The following CST2 variants were observed in gnomAD, a reference collection of about 807,000 sequenced individuals.
CST2 encodes cystatin-SA.
CST2 carries 26 observed loss-of-function variants against 13.4 expected under a neutral mutation model. The ratio of observed to expected loss-of-function variants is 1.95; its 90% CI spans 1.43 to 2.70. CST2 has a LOEUF of 2.70. Ranked by LOEUF, CST2 falls within the 30% of genes most tolerant of loss-of-function variation. The pLI, the probability that CST2 is intolerant of heterozygous loss-of-function variation, is 0.00. For missense variants in CST2, 243 were observed against 173.4 expected (o/e 1.40, Z -2.25); for synonymous variants, 105 against 71.1 (o/e 1.48, Z -2.40).
chr20:23,824,854 C>T (rs1259805672), intron 2 of CST2, among the ~76,000 whole-genome samples: 1 of 151,994 alleles, frequency 6.6e-6, no homozygotes, highest in Non-Finnish European at 1.5e-5. Context: ...ACACATCACC[C>T]TCCTCCCTCA....
intron 2 of CST2, 47 bp downstream of exon 2, chr20:23,825,163 C>A (rs760675860): frequency 1.9e-6 from 3 of 1,609,388 alleles, no homozygotes; most frequent in Non-Finnish European, 2.6e-6. Context: ...CACATACGCA[C>A]CCCTCTGCAG....
intron 2 of CST2, among the ~76,000 whole-genome samples, chr20:23,824,735 G>A (rs754477590): frequency 6.6e-6 from 1 of 152,028 alleles, no homozygotes; most frequent in Non-Finnish European, 1.5e-5. Context: ...TCCCTGCCCA[G>A]CACACAGCCC....
chr20:23,826,726 G>C lies in CST2; in HGVS notation c.-66C>G. 1.4e-6 allele frequency: 2 copies of C among 1,419,158 alleles called. No homozygotes were observed. The highest frequency in any genetic ancestry group is 1.4e-5 in the African/African-American group (1 of 70,512). 87.9% of individuals were successfully genotyped at this position (1,419,158 alleles called of 1,614,324 possible). A position where few individuals can be genotyped will look rare whatever the true frequency, so the allele number is the denominator to read the frequency against. On this transcript the variant is annotated 5_prime_UTR_variant, in exon 1 of 3. In the 5' UTR this introduces an upstream ATG that the reference lacks. Transcript: ENST00000304725. ...GAGGAGGTTGAGAGCCTGAGGCGGG[G>C]ATCCCAGACCAGCAGGCAGCTGTGC...
intron 2 of CST2, 70 bp from the exon 3 acceptor site, chr20:23,824,173 A>AT: frequency 2.0e-6 from 3 of 1,509,594 alleles, no homozygotes; most frequent in Non-Finnish European, 2.8e-6. Flanking sequence ...CAGGCATGAG[A>AT]TGTCACAGCC....
chr20:23,825,066 G>A (rs1201409247), intron 2 of CST2, 144 bp downstream of exon 2: 12 of 1,169,342 alleles, frequency 1.0e-5, no homozygotes, highest in African/African-American at 8.9e-5. Context: ...ACAAGTACAT[G>A]AACATGTATA....
intron 2 of CST2, among the ~76,000 whole-genome samples, chr20:23,824,669 A>G (rs972701071): frequency 2.0e-5 from 3 of 151,908 alleles, no homozygotes; most frequent in Non-Finnish European, 4.4e-5. Context: ...TAATCTGATC[A>G]TTGTGTCTGT....
rs45539436 is a variant in CST2, at chr20:23,825,316, C to T, written c.236G>A (p.Gly79Asp). Residue 79 changes from glycine to aspartate, a missense_variant, in exon 2 of 3, where the codon GGC (glycine) becomes GAC (aspartate). Transcript: ENST00000304725. ...TATGTCGAAGAAGTAATTCACCCCG[C>T]CCACGATCTACACACATGAGAAAAC... is the stretch of plus-strand genomic sequence containing the variant. ...RVLRAREQIV[G>D]GVNYFFDIEV... The T allele has an allele frequency of 0.056, 84,962 of 1,517,710 alleles. 2,303 individuals are homozygous for T. The highest frequency in any genetic ancestry group is 0.13 in the South Asian group (10,288 of 78,868). The allele number at this position is 1,517,710 out of a possible 1,614,324, so 94.0% of individuals were successfully genotyped here. A position where few individuals can be genotyped will look rare whatever the true frequency, so the allele number is the denominator to read the frequency against.
intron 2 of CST2, among the ~76,000 whole-genome samples, chr20:23,824,348 A>T (rs1975756560): frequency 6.6e-6 from 1 of 152,120 alleles, no homozygotes; most frequent in African/African-American, 2.4e-5. Context: ...CTGTCCCAGC[A>T]CAGCCCTGTG....
chr20:23,825,563 G>A (rs907431645), intron 1 of CST2, among the ~76,000 whole-genome samples: 4 of 152,220 alleles, frequency 2.6e-5, no homozygotes, highest in Non-Finnish European at 5.9e-5. Flanking sequence ...TCTGCCACCT[G>A]TGGCTCAGGG....
chr20:23,825,125 C>T, intron 2 of CST2, 85 bp downstream of exon 2: 1 of 1,566,206 alleles, frequency 6.4e-7, no homozygotes, highest in Non-Finnish European at 8.8e-7. Flanking sequence ...CACACACACC[C>T]TCCAAACATG....
chr20:23,824,815 C>T (rs1440535115), intron 2 of CST2, among the ~76,000 whole-genome samples: 1 of 152,104 alleles, frequency 6.6e-6, no homozygotes. Context: ...AGTAACCATT[C>T]CCAAGCTGAA....
At position 23,826,604 on chromosome 20, in the gene CST2, C is replaced by G. The variant is rs112094131; in HGVS notation, c.57G>C (p.Leu19=). Residue 19 remains leucine, a synonymous_variant, in exon 1 of 3, where the codon CTG becomes CTC. Coordinates refer to ENST00000304725, the MANE Select transcript of CST2 (RefSeq NM_001322.3). ...TGTCCTCCTCCTGGGGGCTCCAGGC[C>G]AGGGCCACAGCCTGGGTGGCCAGCA... ...LLLLATQAVA[L]AWSPQEEDRI... is the part of the protein sequence containing the mutation. 1.8e-3 allele frequency: 2,928 copies of G among 1,613,316 alleles called. 45 individuals are homozygous for G. In the African/African-American group the frequency reaches 0.035, roughly 19 times the overall value.
intron 2 of CST2, among the ~76,000 whole-genome samples, chr20:23,824,998 G>A (rs1326282575): frequency 6.6e-6 from 1 of 151,874 alleles, no homozygotes; most frequent in Non-Finnish European, 1.5e-5. Flanking sequence ...GCACACACTG[G>A]CACATGTGTG....
At position 23,823,957 on chromosome 20, in the gene CST2, G is replaced by T; in HGVS notation, c.*63C>A. 6.4e-7 allele frequency: 1 copy of T among 1,570,584 alleles called. No individual in the cohort carries two copies. The highest frequency in any genetic ancestry group is 8.8e-7 in the Non-Finnish European group (1 of 1,142,528). On this transcript the variant is annotated 3_prime_UTR_variant, in exon 3 of 3. Coordinates refer to ENST00000304725, the MANE Select transcript of CST2 (RefSeq NM_001322.3). ...CACAGGGTGGGGGCCACCAGTCCAG[G>T]GGTGGGAGCACTACAAGGGGTGGGA...
At position 23,826,631 on chromosome 20, in the gene CST2, G is replaced by A. The variant is rs753564573; in HGVS notation, c.30C>T (p.Leu10=). MAWPLCTLL[L]LLATQAVALA... is the part of the protein sequence containing the mutation. ...GGGCCACAGCCTGGGTGGCCAGCAG[G>A]AGCAGCAGGGTGCACAGGGGCCAGG... Residue 10 remains leucine (L), a synonymous_variant, in exon 1 of 3, where the codon CTC becomes CTT. Transcript: ENST00000304725. 1 of 1,610,554 alleles carries A rather than the reference G, an allele frequency of 6.2e-7. No individual in the cohort carries two copies. The highest frequency in any genetic ancestry group is 2.2e-5 in the East Asian group (1 of 44,776).
intron 2 of CST2, 84 bp from the exon 3 acceptor site, chr20:23,824,187 G>A: frequency 7.0e-7 from 1 of 1,423,948 alleles, no homozygotes; most frequent in Non-Finnish European, 9.8e-7. Flanking sequence ...CACAGCCTGA[G>A]TGAGGAGGAT....
chr20:23,825,315 G>T lies in CST2; in HGVS notation c.237C>A (p.Gly79=), dbSNP rs146039211. Residue 79 remains glycine (G), a synonymous_variant, in exon 2 of 3, where the codon GGC becomes GGA. Coordinates refer to ENST00000304725, the MANE Select transcript of CST2 (RefSeq NM_001322.3). ...RVLRAREQIV[G]GVNYFFDIEV... ...CTATGTCGAAGAAGTAATTCACCCC[G>T]CCCACGATCTACACACATGAGAAAA... The T allele has an allele frequency of 6.0e-6, 9 of 1,492,184 alleles. No individual in the cohort carries two copies. Among genetic ancestry groups the T allele is most frequent in the Admixed American group, 2.0e-5 (1 of 50,960 alleles). 92.4% of individuals were successfully genotyped at this position (1,492,184 alleles called of 1,614,324 possible). A position where few individuals can be genotyped will look rare whatever the true frequency, so the allele number is the denominator to read the frequency against.
At chr20:23,825,778 G>A (rs1451408604) in intron 1 of CST2, among the ~76,000 whole-genome samples, 2 of 152,220 alleles carry the variant, frequency 1.3e-5, no homozygotes, top group African/African-American at 4.8e-5. Context: ...AGCTGCAGGA[G>A]GAGAAATGGG....
Position 23,824,018 on chromosome 20 carries a change from C to T in CST2, c.*2G>A. On this transcript the variant is annotated 3_prime_UTR_variant, in exon 3 of 3. Transcript: ENST00000304725. ...GTCAGTGTGACTCCCTGGCACAGATCCCTAGGCTTCTTGACACCTGGAATT... is the reference window on the plus strand; with the variant it reads ...GTCAGTGTGACTCCCTGGCACAGATTCCTAGGCTTCTTGACACCTGGAATT... 1 of 1,613,992 alleles carries T rather than the reference C, an allele frequency of 6.2e-7. No individual in the cohort carries two copies.
Sources: allele counts gnomAD v4.1 joint callset (sites outside exome capture counted in the v4.1 genomes callset), GRCh38; gene constraint gnomAD v4.1.1; transcripts MANE v1.5; gene names NCBI Gene and HGNC (gene_info 2026-07-23, HGNC 2026-07-21).